The following SPAST variants were observed in gnomAD, a reference collection of about 807,000 sequenced individuals.
The protein encoded by SPAST is spastin, also known as spastic paraplegia 4 (autosomal dominant; spastin).
In SPAST, 30 loss-of-function variants were observed where a neutral mutation model predicts 76.6. That is an observed-to-expected ratio of 0.39 (90% CI 0.29 to 0.53). The LOEUF (loss-of-function observed/expected upper bound fraction) is 0.53, where lower values mean the gene tolerates loss of function less well. Ranked by LOEUF, SPAST falls within the 20% of genes least tolerant of loss-of-function variation. The probability of loss-of-function intolerance (pLI) is 0.68; values close to 1 mark genes in which losing one functional copy is unlikely to be tolerated. For missense variants in SPAST, 717 were observed against 770.5 expected, an observed-to-expected ratio of 0.93 and a Z score of 0.82; for synonymous variants, 305 against 281.0, an observed-to-expected ratio of 1.09 and a Z score of -0.86.
intron 4 of SPAST, among the ~76,000 whole-genome samples, chr2:32,101,273 C>T (rs1678111607): frequency 6.6e-6 from 1 of 152,158 alleles, no homozygotes; most frequent in African/African-American, 2.4e-5. Flanking sequence ...TGAGAAGCAT[C>T]TGTTCATATA....
At chr2:32,120,584 T>TC (rs994743591) in intron 7 of SPAST, among the ~76,000 whole-genome samples, 6 of 151,752 alleles carry the variant, frequency 4.0e-5, no homozygotes, top group African/African-American at 1.5e-4. Flanking sequence ...TTTTTTTTTT[T>TC]TTTTTTCCCA....
intron 9 of SPAST, chr2:32,129,276 G>C (rs1279400409): frequency 6.8e-6 from 1 of 147,480 alleles, no homozygotes; most frequent in Non-Finnish European, 1.5e-5. Flanking sequence ...TTATAATAGA[G>C]ACACAGTCTC....
chr2:32,067,708 A>T (rs1358209043), intron 1 of SPAST, among the ~76,000 whole-genome samples: 1 of 150,370 alleles, frequency 6.7e-6, no homozygotes. Context: ...GTGGAATGTG[A>T]TCATAGCTCA....
intron 4 of SPAST, among the ~76,000 whole-genome samples, chr2:32,107,207 A>C (rs992730870): frequency 1.3e-5 from 2 of 151,998 alleles, no homozygotes; most frequent in Non-Finnish European, 2.9e-5. Context: ...CCTAATATGA[A>C]ATCTGAAATC....
chr2:32,087,134 T>G (rs1426924629), intron 1 of SPAST, among the ~76,000 whole-genome samples: 3 of 152,214 alleles, frequency 2.0e-5, no homozygotes, highest in African/African-American at 7.2e-5. Context: ...TAAACAATGC[T>G]TTTTGTTTCA....
chr2:32,118,452 G>A (rs986779568), intron 7 of SPAST, among the ~76,000 whole-genome samples: 1 of 152,158 alleles, frequency 6.6e-6, no homozygotes, highest in Non-Finnish European at 1.5e-5. Context: ...TATGTGAACT[G>A]GATTTATGTC....
intron 16 of SPAST, among the ~76,000 whole-genome samples, chr2:32,149,243 C>A (rs1462738229): frequency 7.2e-6 from 1 of 138,158 alleles, no homozygotes; most frequent in Non-Finnish European, 1.5e-5. Context: ...GCATGGGCCA[C>A]CACGCCCAGC....
At chr2:32,073,610 T>TGA (rs1414920897) in intron 1 of SPAST, among the ~76,000 whole-genome samples, 1 of 152,174 alleles carries the variant, frequency 6.6e-6, no homozygotes, top group African/African-American at 2.4e-5. Flanking sequence ...ATTACAGGCA[T>TGA]GAGCCACCAT....
chr2:32,116,642 A>C (rs1678848206), intron 7 of SPAST, among the ~76,000 whole-genome samples: 1 of 151,948 alleles, frequency 6.6e-6, no homozygotes. Flanking sequence ...AATTTTTGTA[A>C]TTTTAGTAGA....
At chr2:32,125,710 C>G (rs770298329) in intron 7 of SPAST, among the ~76,000 whole-genome samples, 1 of 152,098 alleles carries the variant, frequency 6.6e-6, no homozygotes, top group Non-Finnish European at 1.5e-5. Context: ...AAACTCCTGC[C>G]TTCTGCTTTG....
At chr2:32,072,442 T>C (rs1255644038) in intron 1 of SPAST, among the ~76,000 whole-genome samples, 1 of 152,142 alleles carries the variant, frequency 6.6e-6, no homozygotes, top group Non-Finnish European at 1.5e-5. Flanking sequence ...AACATCTTAA[T>C]ATCTCTGTTT....
Position 32,128,392 on chromosome 2 carries a change from CTT to C in SPAST, c.1174-15_1174-14del. 2 of 1,568,272 alleles carry C rather than the reference CTT, an allele frequency of 1.3e-6. No individual in the cohort carries two copies. Among genetic ancestry groups the C allele is most frequent in the Non-Finnish European group, 1.8e-6 (2 of 1,138,448 alleles). ...ATATTGAACTAATTTAATATTTGCTCTTGTGATTTTTAAAGGCTAAAGCAGTA... is the reference window on the plus strand; with the variant it reads ...ATATTGAACTAATTTAATATTTGCTCGTGATTTTTAAAGGCTAAAGCAGTA... On this transcript the variant is annotated splice_polypyrimidine_tract_variant and intron_variant, in intron 8 of 16. Transcript: ENST00000315285.
chr2:32,099,769 C>G (rs914693218), intron 4 of SPAST, among the ~76,000 whole-genome samples: 2 of 152,088 alleles, frequency 1.3e-5, no homozygotes, highest in Non-Finnish European at 2.9e-5. Flanking sequence ...CTTACTCTTT[C>G]TATCTAGCTA....
intron 16 of SPAST, among the ~76,000 whole-genome samples, chr2:32,153,675 A>G (rs1028441877): frequency 2.6e-5 from 4 of 152,126 alleles, no homozygotes; most frequent in African/African-American, 9.7e-5. Flanking sequence ...TTTGCCTTTT[A>G]AAAATACTTA....
intron 1 of SPAST, among the ~76,000 whole-genome samples, chr2:32,078,778 GAAA>G (rs548579886): frequency 6.6e-6 from 1 of 151,984 alleles, no homozygotes; most frequent in Non-Finnish European, 1.5e-5. Flanking sequence ...ATTCATCAGA[GAAA>G]AAAATATGCA....
At chr2:32,122,183 T>G (rs899224209) in intron 7 of SPAST, among the ~76,000 whole-genome samples, 4 of 152,190 alleles carry the variant, frequency 2.6e-5, no homozygotes, top group African/African-American at 9.6e-5. Flanking sequence ...CTGGGGTTAT[T>G]TGGCTTCTCT....
intron 3 of SPAST, among the ~76,000 whole-genome samples, chr2:32,091,777 TG>T (rs1323545414): frequency 6.6e-6 from 1 of 151,486 alleles, no homozygotes; most frequent in African/African-American, 2.4e-5. Context: ...GAGCTTGCAG[TG>T]AGCCGAGATC....
At chr2:32,127,260 G>C in intron 8 of SPAST, 1 of 504,456 alleles carries the variant, frequency 2.0e-6, no homozygotes, top group Non-Finnish European at 3.6e-6. Context: ...TGGGATTACA[G>C]GCACACGCCA....
intron 1 of SPAST, among the ~76,000 whole-genome samples, chr2:32,080,383 C>A (rs1677170713): frequency 6.8e-6 from 1 of 146,838 alleles, no homozygotes. Context: ...AAATAGGCAG[C>A]TTACTAGATT....
Sources: allele counts gnomAD v4.1 joint callset (sites outside exome capture counted in the v4.1 genomes callset), GRCh38; gene constraint gnomAD v4.1.1; transcripts MANE v1.5; gene names NCBI Gene and HGNC (gene_info 2026-07-23, HGNC 2026-07-21).